TICRR: variants seen among roughly 807,000 people sequenced by gnomAD.
The protein encoded by TICRR is TOPBP1 interacting checkpoint and replication regulator, also known as treslin.
In TICRR, 132 loss-of-function variants were observed where a neutral mutation model predicts 178.1. The ratio of observed to expected loss-of-function variants is 0.74; its 90% confidence interval spans 0.64 to 0.86. The LOEUF (loss-of-function observed/expected upper bound fraction) is 0.86, where lower values mean the gene tolerates loss of function less well. Ranked by LOEUF, TICRR falls within the 40% of genes least tolerant of loss-of-function variation. The pLI is 0.00. For missense variants in TICRR, 2,587 were observed against 2,334.3 expected (o/e 1.11, Z -2.23); for synonymous variants, 991 against 900.7 (o/e 1.10, Z -1.79).
Position 89,616,426 on chromosome 15 carries a change from A to G in TICRR, c.2891A>G (p.Lys964Arg), listed in dbSNP as rs1331253163. 2.5e-6 allele frequency: 4 copies of G among 1,613,902 alleles called. No individual in the cohort carries two copies. Among genetic ancestry groups the G allele is most frequent in the Non-Finnish European group, 3.4e-6 (4 of 1,179,912 alleles). Residue 964 changes from lysine to arginine, a missense_variant, in exon 16 of 22, where the codon AAG becomes AGG. Transcript: ENST00000268138. Reference sequence around the variant, plus strand: ...TTAGGTTATCACAAACTGCTGACTAAGAGTGTGGCCGAGACTCCAGTGCAT... The same window carrying G: ...TTAGGTTATCACAAACTGCTGACTAGGAGTGTGGCCGAGACTCCAGTGCAT... ...KNKGYHKLLT[K>R]SVAETPVHKQ...
At position 89,586,203 on chromosome 15, in the gene TICRR, CTG is replaced by C. The variant is rs1296716113; in HGVS notation, c.1411+263_1411+264del. 2.0e-5 allele frequency among the ~76,000 whole-genome samples: 3 copies of C among 152,148 alleles called. No individual in the cohort carries two copies. The East Asian group carries it at 5.8e-4, about 29-fold the overall frequency. ...TATTTAAGAAATACTGCATATAAAA[CTG>C]TAGTGATTCTGTCTACCCTGCATTG... is the stretch of plus-strand genomic sequence containing the variant. On this transcript the variant is annotated intron_variant, in intron 4 of 21. Transcript: ENST00000268138.
At chr15:89,597,633 A>G (rs1202712505) in intron 7 of TICRR, among the ~76,000 whole-genome samples, 2 of 152,024 alleles carry the variant, frequency 1.3e-5, no homozygotes, top group African/African-American at 4.8e-5. Flanking sequence ...AACTGTCTTG[A>G]TTACTGTAGC....
At chr15:89,611,724 G>A (rs1233557277) in intron 15 of TICRR, among the ~76,000 whole-genome samples, 2 of 151,374 alleles carry the variant, frequency 1.3e-5, no homozygotes, top group Non-Finnish European at 2.9e-5. Context: ...TTATCTTCAC[G>A]TTCACTGATT....
chr15:89,587,050 G>A (rs189537486), intron 4 of TICRR, among the ~76,000 whole-genome samples: 358 of 152,348 alleles, frequency 2.3e-3, no homozygotes, highest in African/African-American at 7.9e-3. Context: ...GAGATGGTGG[G>A]AAATGTAGGG....
chr15:89,594,771 TTA>T (rs1962968844), intron 6 of TICRR, among the ~76,000 whole-genome samples: 1 of 152,238 alleles, frequency 6.6e-6, no homozygotes, highest in African/African-American at 2.4e-5. Flanking sequence ...TCATTTTTAA[TTA>T]TGATAGAAAT....
intron 14 of TICRR, among the ~76,000 whole-genome samples, chr15:89,607,764 G>T (rs1480621054): frequency 5.9e-5 from 9 of 152,080 alleles, no homozygotes; most frequent in Admixed American, 5.9e-4. Context: ...ATTAATCTTT[G>T]AAGAATTCAC....
At chr15:89,621,901 G>C (rs1385046497) in intron 19 of TICRR, among the ~76,000 whole-genome samples, 1 of 150,866 alleles carries the variant, frequency 6.6e-6, no homozygotes, top group Non-Finnish European at 1.5e-5. Flanking sequence ...ACCAACATTA[G>C]AAACCTGGGA....
At chr15:89,610,702 T>G (rs1422470174) in intron 15 of TICRR, among the ~76,000 whole-genome samples, 1 of 152,204 alleles carries the variant, frequency 6.6e-6, no homozygotes, top group African/African-American at 2.4e-5. Flanking sequence ...TGAATGTAAT[T>G]ACTAATAAGG....
rs762081661 is a variant in TICRR at position 89,592,025 on chromosome 15, C to T, written c.1412-22C>T. On this transcript the variant is annotated intron_variant, in intron 4 of 21. Coordinates refer to ENST00000268138, the MANE Select transcript of TICRR (RefSeq NM_152259.4). ...GTTCTCATGCTGTTTCCTCTCCTGC[C>T]GCTGCTCCTTTGCTCCAATAGCTTC... 6.2e-5 allele frequency: 98 copies of T among 1,593,442 alleles called. 1 individual carries two copies. Among genetic ancestry groups the T allele is most frequent in the Middle Eastern group, 3.3e-4 (2 of 6,010 alleles).
chr15:89,601,611 C>A lies in TICRR; in HGVS notation c.2327+43C>A. On this transcript the variant is annotated intron_variant, in intron 11 of 21. Coordinates refer to ENST00000268138, the MANE Select transcript of TICRR (RefSeq NM_152259.4). ...TAACTTAACTTTAAAATTGTTTTGTCAAAACCTATGTATGGTGTTGTCTCT... is the reference window on the plus strand; with the variant it reads ...TAACTTAACTTTAAAATTGTTTTGTAAAAACCTATGTATGGTGTTGTCTCT... The A allele has an allele frequency of 2.5e-6, 4 of 1,611,246 alleles. No homozygotes were observed. In the South Asian group the frequency reaches 4.4e-5, roughly 18 times the overall value.
In TICRR at chr15:89,576,165, G is replaced by A; in HGVS notation, c.579G>A (p.Leu193=). 2 of 1,604,174 alleles carry A rather than the reference G, an allele frequency of 1.2e-6. No homozygotes were observed. Among genetic ancestry groups the A allele is most frequent in the Non-Finnish European group, 1.7e-6 (2 of 1,179,830 alleles). ...CTAAGCAGGTGATGGAGAAGTTGTTGCCCAAGAGAGTCCGGGAAGTCATGG... is the reference window on the plus strand; with the variant it reads ...CTAAGCAGGTGATGGAGAAGTTGTTACCCAAGAGAGTCCGGGAAGTCATGG... ...PTPKQVMEKL[L]PKRVREVMVA... The change falls in exon 1 of 22, where the codon TTG becomes TTA. Residue 193 remains leucine, a synonymous_variant. Coordinates refer to ENST00000268138, the MANE Select transcript of TICRR (RefSeq NM_152259.4).
chr15:89,621,494 C>G lies in TICRR; in HGVS notation c.3256C>G (p.Arg1086Gly), dbSNP rs751158792. Residue 1086 changes from arginine (R) to glycine (G), a missense_variant, in exon 19 of 22, where the codon CGA (arginine) becomes GGA (glycine). Coordinates refer to ENST00000268138, the MANE Select transcript of TICRR (RefSeq NM_152259.4). ...MISPSEKGSA[R>G]MKKRSRNTLD... is the part of the protein sequence containing the mutation. ...CAGCCCCTCAGAAAAGGGTTCAGCT[C>G]GAATGAAAAAGCGTTCAAGAAACAC... 5.0e-6 allele frequency: 8 copies of G among 1,613,924 alleles called. No homozygotes were observed. The highest frequency in any genetic ancestry group is 2.5e-6 in the Non-Finnish European group (3 of 1,179,942).
chr15:89,598,175 G>A (rs1268058144), intron 7 of TICRR, among the ~76,000 whole-genome samples: 6 of 151,722 alleles, frequency 4.0e-5, no homozygotes, highest in Admixed American at 2.0e-4. Context: ...GGGTTTCACC[G>A]TGTTAGCCAG....
In TICRR at chr15:89,591,718, G is replaced by A. The variant is rs146971492; in HGVS notation, c.1412-329G>A. On this transcript the variant is annotated intron_variant, in intron 4 of 21. Coordinates refer to ENST00000268138, the MANE Select transcript of TICRR (RefSeq NM_152259.4). ...GTTGCACTCCAGCCTGGGCAAGAGC[G>A]AAACTCTGTCTCAAAAAAATAAATA... 268 of 159,150 alleles carry A rather than the reference G, an allele frequency of 1.7e-3. 1 individual carries two copies. The highest frequency in any genetic ancestry group is 2.7e-3 in the Non-Finnish European group (198 of 72,428). The allele number at this position is 159,150 out of a possible 1,614,324, so 9.9% of individuals were successfully genotyped here.
At chr15:89,620,791 T>G (rs1201643237) in intron 18 of TICRR, among the ~76,000 whole-genome samples, 1 of 150,382 alleles carries the variant, frequency 6.6e-6, no homozygotes, top group Non-Finnish European at 1.5e-5. Flanking sequence ...GGCGCAATCT[T>G]GGCTCACTGC....
intron 15 of TICRR, 159 bp downstream of exon 15, chr15:89,609,108 T>A: frequency 5.1e-6 from 2 of 394,802 alleles, no homozygotes; most frequent in Non-Finnish European, 7.8e-6. Context: ...ATCTTTTTTT[T>A]TTTTTTTTTT....
rs749079904 is a variant in TICRR at position 89,601,929 on chromosome 15, A to G, written c.2520A>G (p.Glu840=). 1.9e-6 allele frequency: 3 copies of G among 1,614,198 alleles called. No individual in the cohort carries two copies. Among genetic ancestry groups the G allele is most frequent in the Non-Finnish European group, 2.5e-6 (3 of 1,180,014 alleles). ...SARRSVSGSP[E]SDELQELRTR... ...GTAGATCAGTGTCAGGCAGCCCTGA[A>G]TCTGATGAACTGCAGGAACTTCGTA... Residue 840 remains glutamate, a synonymous_variant, in exon 12 of 22, where the codon GAA becomes GAG. Transcript: ENST00000268138.
At chr15:89,607,393 GTACA>G (rs1963190996) in intron 14 of TICRR, among the ~76,000 whole-genome samples, 1 of 152,112 alleles carries the variant, frequency 6.6e-6, no homozygotes, top group Non-Finnish European at 1.5e-5. Flanking sequence ...GGGGAATAAC[GTACA>G]TACAGAGAGA....
chr15:89,596,295 CTCTT>C (rs1353265987), intron 7 of TICRR, among the ~76,000 whole-genome samples: 3 of 152,030 alleles, frequency 2.0e-5, no homozygotes, highest in African/African-American at 4.8e-5. Flanking sequence ...CCATCTCTCT[CTCTT>C]TAATTGCTCA....
Sources: gnomAD v4.1 joint callset for allele counts (sites outside exome capture counted in the v4.1 genomes callset) on GRCh38, gnomAD v4.1.1 for gene constraint, MANE v1.5 for transcripts, NCBI Gene and HGNC (gene_info 2026-07-23, HGNC 2026-07-21) for gene names.